Variants in SGCZ observed in about 807,000 individuals in gnomAD.
The protein encoded by SGCZ is sarcoglycan zeta.
Under a neutral mutation model 41.3 loss-of-function variants are expected in SGCZ, and 40 were observed. The observed-to-expected ratio is 0.97, with a 90% CI of 0.75 to 1.26. The LOEUF is 1.26. Ranked by LOEUF, SGCZ falls within the 50% of genes most tolerant of loss-of-function variation. SGCZ has a pLI of 0.00. For synonymous variants in SGCZ, 206 were observed against 137.5 expected, an observed-to-expected ratio of 1.50 and a Z score of -3.49; for missense variants, 552 against 369.8, an observed-to-expected ratio of 1.49 and a Z score of -4.04.
intron 2 of SGCZ, among the ~76,000 whole-genome samples, chr8:14,382,396 G>C (rs1319762638): frequency 2.0e-5 from 3 of 151,746 alleles, no homozygotes; most frequent in African/African-American, 7.3e-5. Flanking sequence ...AGACCTGTCT[G>C]ATGGTCACTA....
chr8:14,996,823 G>A (rs527648904), intron 1 of SGCZ, among the ~76,000 whole-genome samples: 1 of 152,168 alleles, frequency 6.6e-6, no homozygotes, highest in Non-Finnish European at 1.5e-5. Context: ...CTCTGTATTT[G>A]ATAGTTATTC....
intron 1 of SGCZ, among the ~76,000 whole-genome samples, chr8:14,666,334 A>G (rs1448757878): frequency 6.6e-6 from 1 of 152,218 alleles, no homozygotes; most frequent in Non-Finnish European, 1.5e-5. Flanking sequence ...AGAGACTTGC[A>G]GGATGGCAAA....
At chr8:14,518,897 A>C (rs893421113) in intron 2 of SGCZ, among the ~76,000 whole-genome samples, 1 of 149,276 alleles carries the variant, frequency 6.7e-6, no homozygotes, top group Non-Finnish European at 1.5e-5. Context: ...TCTCTACCAA[A>C]AAAAAAAAAA....
chr8:14,543,080 G>A (rs1803519857), intron 2 of SGCZ, among the ~76,000 whole-genome samples: 1 of 151,608 alleles, frequency 6.6e-6, no homozygotes, highest in African/African-American at 2.4e-5. Flanking sequence ...GTTCTGCTTG[G>A]ATATTTTATT....
chr8:14,123,519 C>T (rs1186503422), intron 5 of SGCZ, among the ~76,000 whole-genome samples: 1 of 152,116 alleles, frequency 6.6e-6, no homozygotes, highest in African/African-American at 2.4e-5. Context: ...CTTTTCAAGG[C>T]ATGTCACATG....
intron 1 of SGCZ, among the ~76,000 whole-genome samples, chr8:14,940,301 G>T (rs961259935): frequency 6.6e-6 from 1 of 152,048 alleles, no homozygotes; most frequent in African/African-American, 2.4e-5. Flanking sequence ...ATCATCAAAT[G>T]TTTGCCATCC....
At chr8:14,112,786 A>C (rs1802414111) in intron 5 of SGCZ, among the ~76,000 whole-genome samples, 1 of 152,116 alleles carries the variant, frequency 6.6e-6, no homozygotes, top group South Asian at 2.1e-4. Context: ...GAATTATACG[A>C]TTATTTTTTC....
chr8:14,443,932 C>T (rs1191499667), intron 2 of SGCZ, among the ~76,000 whole-genome samples: 1 of 152,098 alleles, frequency 6.6e-6, no homozygotes, highest in African/African-American at 2.4e-5. Flanking sequence ...GGCTAATATC[C>T]AGAATCTACA....
intron 1 of SGCZ, among the ~76,000 whole-genome samples, chr8:14,990,688 T>C (rs1183252043): frequency 1.3e-5 from 2 of 152,074 alleles, no homozygotes; most frequent in African/African-American, 2.4e-5. Context: ...TCATATACTA[T>C]AATGTAATAA....
intron 1 of SGCZ, among the ~76,000 whole-genome samples, chr8:14,803,219 G>A (rs145182390): frequency 0.011 from 1,717 of 152,204 alleles, 15 homozygotes; most frequent in Middle Eastern, 0.031. Flanking sequence ...ACTGTCCCGG[G>A]AGGAGCCAAG....
intron 4 of SGCZ, among the ~76,000 whole-genome samples, chr8:14,180,356 A>G (rs2117021155): frequency 6.6e-6 from 1 of 151,920 alleles, no homozygotes; most frequent in East Asian, 1.9e-4. Flanking sequence ...GGACCTATCC[A>G]CTCTGAATGC....
chr8:14,299,140 C>T (rs1228080697), intron 3 of SGCZ, among the ~76,000 whole-genome samples: 1 of 151,990 alleles, frequency 6.6e-6, no homozygotes, highest in Non-Finnish European at 1.5e-5. Flanking sequence ...AAGTACACAT[C>T]AATCACCCTC....
chr8:15,221,359 G>T (rs1201882596), intron 1 of SGCZ, among the ~76,000 whole-genome samples: 1 of 152,072 alleles, frequency 6.6e-6, no homozygotes, highest in Non-Finnish European at 1.5e-5. Flanking sequence ...TTTATTTTCA[G>T]GTGAATAGCA....
chr8:14,645,703 T>C (rs985991521), intron 1 of SGCZ, among the ~76,000 whole-genome samples: 2 of 143,392 alleles, frequency 1.4e-5, no homozygotes, highest in South Asian at 4.3e-4. Flanking sequence ...ATAGTCCATT[T>C]ACACATACAT....
chr8:15,053,955 T>C (rs539791491), intron 1 of SGCZ, among the ~76,000 whole-genome samples: 5 of 152,176 alleles, frequency 3.3e-5, no homozygotes, highest in African/African-American at 4.8e-5. Flanking sequence ...CTTGACAAAA[T>C]TGAAAGCAAG....
rs1338647677 is a variant in SGCZ, at chr8:15,060,525, G to GGC, written c.39+177059_39+177060insGC. Among the ~76,000 whole-genome samples, 554 of 119,668 alleles carry GGC rather than the reference G, an allele frequency of 4.6e-3. 5 individuals carry two copies. The highest frequency in any genetic ancestry group is 0.017 in the African/African-American group (531 of 31,576). 78.5% of individuals were successfully genotyped at this position (119,668 alleles called of 152,430 possible). A position where few individuals can be genotyped will look rare whatever the true frequency, so the allele number is the denominator to read the frequency against. ...GACACACCGGGGCCTGTTGTGGGGT[G>GGC]GGGGGAGGGGGGAGGGATAGCATTA... On this transcript the variant is annotated intron_variant, in intron 1 of 7. Transcript: ENST00000382080.
intron 2 of SGCZ, among the ~76,000 whole-genome samples, chr8:14,368,237 T>C (rs751270508): frequency 3.3e-5 from 5 of 152,102 alleles, no homozygotes; most frequent in Non-Finnish European, 7.4e-5. Context: ...ATAAAATGGC[T>C]TTTAATTGCA....
At chr8:15,237,256 C>CCA (rs1554483266) in intron 1 of SGCZ, among the ~76,000 whole-genome samples, 1 of 151,986 alleles carries the variant, frequency 6.6e-6, no homozygotes, top group African/African-American at 2.4e-5. Flanking sequence ...GCCGCTGCCC[C>CCA]CCCCGGGGAG....
At chr8:14,620,601 A>G (rs1325636055) in intron 1 of SGCZ, among the ~76,000 whole-genome samples, 1 of 148,932 alleles carries the variant, frequency 6.7e-6, no homozygotes, top group African/African-American at 2.5e-5. Flanking sequence ...GAGAAAAAAC[A>G]AACAACCCCA....
Sources: allele counts gnomAD v4.1 joint callset (sites outside exome capture counted in the v4.1 genomes callset), GRCh38; gene constraint gnomAD v4.1.1; transcripts MANE v1.5; gene names NCBI Gene and HGNC (gene_info 2026-07-23, HGNC 2026-07-21).